PCDHGA9: variants seen among roughly 807,000 people sequenced by gnomAD.
PCDHGA9 encodes the protein protocadherin gamma-A9.
A neutral mutation model predicts 62.5 loss-of-function variants in PCDHGA9; 37 were observed. The observed-to-expected ratio is 0.59, with a 90% confidence interval of 0.46 to 0.78. The LOEUF is 0.78. Ranked by LOEUF, PCDHGA9 falls within the 30% of genes least tolerant of loss-of-function variation. The probability of loss-of-function intolerance (pLI) is 0.00; values close to 1 mark genes in which losing one functional copy is unlikely to be tolerated. For missense variants in PCDHGA9, 1,138 were observed against 1,166.2 expected (o/e 0.98, Z 0.35); for synonymous variants, 459 against 484.6 (o/e 0.95, Z 0.69).
intron 1 of PCDHGA9, chr5:141,415,585 C>T: frequency 6.2e-7 from 1 of 1,613,900 alleles, no homozygotes; most frequent in Non-Finnish European, 8.5e-7. Context: ...TTCGAAGTTT[C>T]CTATAGAGGA....
In PCDHGA9 at chr5:141,432,582, T is replaced by A. The variant is rs1561862595; in HGVS notation, c.2424+27206T>A. 2 of 1,613,236 alleles carry A rather than the reference T, an allele frequency of 1.2e-6. No homozygotes were observed. The highest frequency in any genetic ancestry group is 1.7e-6 in the Non-Finnish European group (2 of 1,179,922). On this transcript the variant is annotated intron_variant, in intron 1 of 3. Transcript: ENST00000573521. This position sits in a 1 kb window ranked among gnomAD's most constrained non-coding sequence, Gnocchi z 6.0. ...CAGAACGCCTGGCTGTCCTACCGTC[T>A]GCTCAAGGCCAGCGAGCCGGGACTC...
chr5:141,403,738 T>G lies in PCDHGA9; in HGVS notation c.786T>G (p.Leu262=). 1.9e-6 allele frequency: 3 copies of G among 1,613,930 alleles called. No homozygotes were observed. The highest frequency in any genetic ancestry group is 3.3e-5 in the Admixed American group (2 of 60,032). Residue 262 remains leucine, a synonymous_variant, in exon 1 of 4, where the codon CTT becomes CTG. Transcript: ENST00000573521. ...LENVPPGTWL[L]TATASDLDEG... is the part of the protein sequence containing the mutation. ...ACGTGCCCCCAGGCACCTGGCTGCT[T>G]ACTGCAACAGCCAGCGACCTGGATG... is the stretch of plus-strand genomic sequence containing the variant.
At chr5:141,450,815 A>T (rs183350620) in intron 1 of PCDHGA9, among the ~76,000 whole-genome samples, 1,650 of 126,706 alleles carry the variant, frequency 0.013, 15 homozygotes, top group African/African-American at 0.032. Context: ...TATTTATTTA[A>T]TATTATTATT....
chr5:141,433,993 T>C (rs1367687577), intron 1 of PCDHGA9, among the ~76,000 whole-genome samples: 1 of 152,216 alleles, frequency 6.6e-6, no homozygotes, highest in Admixed American at 6.5e-5. Flanking sequence ...GAGTTTTATA[T>C]TCTCTATATA....
chr5:141,432,413 G>C lies in PCDHGA9; in HGVS notation c.2424+27037G>C, dbSNP rs369816901. 9 of 1,614,114 alleles carry C rather than the reference G, an allele frequency of 5.6e-6. No homozygotes were observed. The highest frequency in any genetic ancestry group is 1.3e-5 in the African/African-American group (1 of 74,946). ...CAGCAACGTGTCGTTGAGCCTGTTCGTGCTGGACCAGAACGACAATGCGCC... is the reference window on the plus strand; with the variant it reads ...CAGCAACGTGTCGTTGAGCCTGTTCCTGCTGGACCAGAACGACAATGCGCC... On this transcript the variant is annotated intron_variant, in intron 1 of 3. Coordinates refer to ENST00000573521, the MANE Select transcript of PCDHGA9 (RefSeq NM_018921.3). This position sits in a 1 kb window ranked among gnomAD's most constrained non-coding sequence, Gnocchi z 6.0.
At chr5:141,413,597 A>C in intron 1 of PCDHGA9, 2 of 1,613,888 alleles carry the variant, frequency 1.2e-6, no homozygotes, top group Non-Finnish European at 8.5e-7. Context: ...CAAGCAGAAA[A>C]TCTAGACGTA....
rs773491411 is a variant in PCDHGA9 at position 141,405,054 on chromosome 5, C to T, written c.2102C>T (p.Ser701Phe). 4.3e-6 allele frequency: 7 copies of T among 1,613,806 alleles called. No individual in the cohort carries two copies. The highest frequency in any genetic ancestry group is 1.7e-5 in the Admixed American group (1 of 60,002). Reference sequence around the variant, plus strand: ...CTCGTTGTGGCTGTGGCAGTCGTCTCCTGTGTCTTCCTCACCTTCGTTATC... The same window carrying T: ...CTCGTTGTGGCTGTGGCAGTCGTCTTCTGTGTCTTCCTCACCTTCGTTATC... ...LYLVVAVAVV[S>F]CVFLTFVITL... The change falls in exon 1 of 4, where the codon TCC (serine) becomes TTC (phenylalanine). Residue 701 changes from serine to phenylalanine, a missense_variant. Coordinates refer to ENST00000573521, the MANE Select transcript of PCDHGA9 (RefSeq NM_018921.3).
intron 1 of PCDHGA9, chr5:141,428,048 G>A: frequency 6.2e-7 from 1 of 1,608,900 alleles, no homozygotes; most frequent in Admixed American, 1.7e-5. Context: ...TGGTGACCAA[G>A]GTGGTGGCGG....
chr5:141,412,805 A>G (rs2095578499), intron 1 of PCDHGA9, among the ~76,000 whole-genome samples: 1 of 152,246 alleles, frequency 6.6e-6, no homozygotes, highest in Non-Finnish European at 1.5e-5. Context: ...ACCTCCCCTA[A>G]GAAACCTACA....
chr5:141,409,312 AAC>A (rs762706827), intron 1 of PCDHGA9: 39 of 1,613,880 alleles, frequency 2.4e-5, no homozygotes, highest in Admixed American at 1.7e-4. Flanking sequence ...CCCTCTTCAA[AAC>A]ACGGGATCTG....
intron 1 of PCDHGA9, among the ~76,000 whole-genome samples, chr5:141,447,650 T>G (rs555134653): frequency 1.3e-5 from 2 of 151,988 alleles, no homozygotes; most frequent in Non-Finnish European, 2.9e-5. Flanking sequence ...GGTAGAATTT[T>G]CCCCCCCAGG....
chr5:141,415,935 C>A, intron 1 of PCDHGA9: 1 of 601,886 alleles, frequency 1.7e-6, no homozygotes, highest in Non-Finnish European at 2.4e-6. Context: ...TTTATATTTC[C>A]TCCTGGGTGG....
Position 141,463,438 on chromosome 5 carries a change from CTTTTTTTTT to C in PCDHGA9, c.2425-31349_2425-31341del, listed in dbSNP as rs71576115. 5.5e-3 allele frequency among the ~76,000 whole-genome samples: 572 copies of C among 103,208 alleles called. 4 individuals carry two copies. The highest frequency in any genetic ancestry group is 8.7e-3 in the Non-Finnish European group (462 of 53,292). The allele number at this position is 103,208 out of a possible 152,430, so 67.7% of individuals were successfully genotyped here. On this transcript the variant is annotated intron_variant, in intron 1 of 3. Transcript: ENST00000573521. ...GTTTGCGGATCCTCATTTCCTTCTC[CTTTTTTTTT>C]TTTTTTTTTTTTTTTTTTTGAGATG...
At chr5:141,434,431 T>C (rs931458644) in intron 1 of PCDHGA9, among the ~76,000 whole-genome samples, 2 of 152,186 alleles carry the variant, frequency 1.3e-5, no homozygotes, top group African/African-American at 2.4e-5. Context: ...ATGATGGCCG[T>C]AATGCCCATG....
chr5:141,489,260 CACA>C lies in PCDHGA9; in HGVS notation c.2425-5546_2425-5544del, dbSNP rs1242559724. 1 of 1,552,022 alleles carries C rather than the reference CACA, an allele frequency of 6.4e-7. No individual in the cohort carries two copies. Among genetic ancestry groups the C allele is most frequent in the Non-Finnish European group, 8.7e-7 (1 of 1,149,038 alleles). ...TGGGTCATGGGGCCCAAGACACTCCCACAGCTCGCTGGGAAATGGCAAGTGCTG... is the reference window on the plus strand; with the variant it reads ...TGGGTCATGGGGCCCAAGACACTCCCGCTCGCTGGGAAATGGCAAGTGCTG... On this transcript the variant is annotated intron_variant, in intron 1 of 3. Coordinates refer to ENST00000573521, the MANE Select transcript of PCDHGA9 (RefSeq NM_018921.3). The surrounding 1 kb of genome is among the most constrained non-coding windows in gnomAD (Gnocchi z 4.5).
chr5:141,493,935 C>T lies in PCDHGA9; in HGVS notation c.2425-872C>T, dbSNP rs1317863228. Among the ~76,000 whole-genome samples the T allele has an allele frequency of 6.6e-6, 1 of 152,158 alleles. No homozygotes were observed. Among genetic ancestry groups the T allele is most frequent in the Non-Finnish European group, 1.5e-5 (1 of 68,020 alleles). On this transcript the variant is annotated intron_variant, in intron 1 of 3. Coordinates refer to ENST00000573521, the MANE Select transcript of PCDHGA9 (RefSeq NM_018921.3). This position sits in a 1 kb window ranked among gnomAD's most constrained non-coding sequence, Gnocchi z 4.3. Reference sequence around the variant, plus strand: ...TGGGATAACACACCCCCTGGAAAGACCAGAAGGGACTCAGGAATGAAGTGG... The same window carrying T: ...TGGGATAACACACCCCCTGGAAAGATCAGAAGGGACTCAGGAATGAAGTGG...
intron 1 of PCDHGA9, among the ~76,000 whole-genome samples, chr5:141,473,757 T>C (rs993403397): frequency 6.6e-6 from 1 of 152,240 alleles, no homozygotes; most frequent in Non-Finnish European, 1.5e-5. Context: ...TTGGATACTA[T>C]GCAAAGGATT....
intron 1 of PCDHGA9, chr5:141,408,072 T>G (rs1047187961): frequency 1.7e-5 from 24 of 1,388,622 alleles, no homozygotes; most frequent in Middle Eastern, 2.6e-4. Flanking sequence ...CGCAGACCTT[T>G]CCCAGCACAG....
In PCDHGA9 at chr5:141,477,005, T is replaced by C; in HGVS notation, c.2425-17802T>C. The C allele has an allele frequency of 1.2e-6, 2 of 1,614,240 alleles. No individual in the cohort carries two copies. Among genetic ancestry groups the C allele is most frequent in the Non-Finnish European group, 1.7e-6 (2 of 1,180,040 alleles). Reference sequence around the variant, plus strand: ...CGCCGGCGTGCGGCAACTATTCGCCTTAGACCTTGTAACCGGGATGCTGAC... The same window carrying C: ...CGCCGGCGTGCGGCAACTATTCGCCCTAGACCTTGTAACCGGGATGCTGAC... On this transcript the variant is annotated intron_variant, in intron 1 of 3. Transcript: ENST00000573521. The surrounding 1 kb of genome is among the most constrained non-coding windows in gnomAD (Gnocchi z 4.9).
Sources: allele counts gnomAD v4.1 joint callset (sites outside exome capture counted in the v4.1 genomes callset), GRCh38; gene constraint gnomAD v4.1.1; non-coding constraint Gnocchi (gnomAD v3.1); transcripts MANE v1.5; gene names NCBI Gene and HGNC (gene_info 2026-07-23, HGNC 2026-07-21).